The following C8B variants were observed in gnomAD, a reference collection of about 807,000 sequenced individuals.
C8B encodes complement component C8 beta chain.
A neutral mutation model predicts 64.6 loss-of-function variants in C8B; 67 were observed. That is an observed-to-expected ratio of 1.04 (90% CI 0.85 to 1.27). C8B has a LOEUF of 1.27. Among genes scored for constraint, C8B ranks in the 50% most tolerant of loss-of-function variants. C8B has a pLI of 0.00. For missense variants in C8B, 790 were observed against 725.2 expected, an observed-to-expected ratio of 1.09 and a Z score of -1.03; for synonymous variants, 284 against 257.7, an observed-to-expected ratio of 1.10 and a Z score of -0.98.
chr1:56,954,794 C>T lies in C8B; in HGVS notation c.425G>A (p.Gly142Glu), dbSNP rs1557740342. Reference protein sequence around the residue: ...RCVNRRLLCNGDNDCGDQSDE... With the variant: ...RCVNRRLLCNEDNDCGDQSDE... Reference sequence around the variant, plus strand: ...TGACTGGTCTCCACAGTCATTGTCCCCATTGCAAAGAAGTCTGCGGTTTAC... The same window carrying T: ...TGACTGGTCTCCACAGTCATTGTCCTCATTGCAAAGAAGTCTGCGGTTTAC... The change falls in exon 4 of 12, where the codon GGG (glycine) becomes GAG (glutamate). Residue 142 changes from glycine (G) to glutamate (E), a missense_variant. Transcript: ENST00000371237. The T allele has an allele frequency of 1.9e-6, 3 of 1,614,136 alleles. No homozygotes were observed. The highest frequency in any genetic ancestry group is 1.7e-5 in the Admixed American group (1 of 60,020).
chr1:56,950,645 C>A (rs969293332), intron 5 of C8B, among the ~76,000 whole-genome samples: 1 of 152,164 alleles, frequency 6.6e-6, no homozygotes. Flanking sequence ...TGGTCTACAG[C>A]ATGGCCACTG....
At chr1:56,958,954 T>C (rs1488798012) in intron 2 of C8B, among the ~76,000 whole-genome samples, 2 of 152,190 alleles carry the variant, frequency 1.3e-5, no homozygotes, top group Admixed American at 6.5e-5. Context: ...GGCATATCTA[T>C]TGTTCTCAGA....
At chr1:56,932,490 T>C (rs1644716043) in intron 10 of C8B, among the ~76,000 whole-genome samples, 1 of 152,114 alleles carries the variant, frequency 6.6e-6, no homozygotes, top group African/African-American at 2.4e-5. Context: ...AGGTCCAAAT[T>C]TCGTACAAGG....
intron 6 of C8B, 141 bp from the exon 7 acceptor site, chr1:56,946,202 A>G (rs977770915): frequency 2.7e-5 from 26 of 960,528 alleles, no homozygotes; most frequent in Admixed American, 2.0e-4. Flanking sequence ...TTGAGGGAAG[A>G]CAGCCTCTTT....
At chr1:56,933,285 G>C in intron 10 of C8B, 50 bp downstream of exon 10, 1 of 1,539,912 alleles carries the variant, frequency 6.5e-7, no homozygotes, top group Non-Finnish European at 9.0e-7. Context: ...CCCCCGGCCT[G>C]CTTCAGATTA....
chr1:56,947,399 G>A (rs997109419), intron 6 of C8B, among the ~76,000 whole-genome samples: 2 of 152,094 alleles, frequency 1.3e-5, no homozygotes, highest in African/African-American at 4.8e-5. Context: ...CCCCAAGCCT[G>A]CTATTCTCTT....
chr1:56,952,301 C>T (rs1000213078), intron 4 of C8B, 121 bp from the exon 5 acceptor site: 37 of 1,345,576 alleles, frequency 2.7e-5, no homozygotes, highest in Middle Eastern at 3.6e-4. Flanking sequence ...CCCTTGATAC[C>T]TGGTCCAAGC....
At chr1:56,953,473 T>A (rs1193754835) in intron 4 of C8B, among the ~76,000 whole-genome samples, 1 of 152,218 alleles carries the variant, frequency 6.6e-6, no homozygotes, top group East Asian at 1.9e-4. Context: ...TATCCCCATT[T>A]TGCAGATGAG....
chr1:56,931,645 T>C (rs1452044324), intron 11 of C8B, 165 bp downstream of exon 11: 2 of 635,240 alleles, frequency 3.1e-6, no homozygotes, highest in South Asian at 3.2e-5. Context: ...AATCAATCCA[T>C]CAGTTATTAA....
At chr1:56,955,220 G>A (rs186169429) in intron 3 of C8B, among the ~76,000 whole-genome samples, 10 of 152,244 alleles carry the variant, frequency 6.6e-5, no homozygotes, top group East Asian at 3.9e-4. Flanking sequence ...AAGGTTGTTC[G>A]AAGTTTAAAT....
intron 9 of C8B, among the ~76,000 whole-genome samples, chr1:56,935,110 A>G (rs1373061586): frequency 6.6e-6 from 1 of 152,190 alleles, no homozygotes; most frequent in African/African-American, 2.4e-5. Flanking sequence ...CGCAATTCAT[A>G]TATGGTATTA....
At chr1:56,949,026 G>T (rs1490942082) in intron 6 of C8B, among the ~76,000 whole-genome samples, 2 of 150,588 alleles carry the variant, frequency 1.3e-5, no homozygotes, top group African/African-American at 2.4e-5. Flanking sequence ...TTTTTGAGAA[G>T]ATTTCAAGAC....
intron 10 of C8B, 87 bp from the exon 11 acceptor site, chr1:56,931,965 A>G (rs1570368789): frequency 2.2e-6 from 2 of 925,206 alleles, no homozygotes; most frequent in East Asian, 5.0e-5. Context: ...CTGCAGTTCC[A>G]TCAGGTTAAA....
intron 9 of C8B, among the ~76,000 whole-genome samples, chr1:56,939,915 C>G (rs1405719677): frequency 2.6e-5 from 4 of 152,110 alleles, no homozygotes; most frequent in Non-Finnish European, 5.9e-5. Flanking sequence ...AATAACATTT[C>G]TAGATGTTAG....
At chr1:56,954,644 G>T (rs1388105678) in intron 4 of C8B, 42 bp downstream of exon 4, 3 of 1,611,422 alleles carry the variant, frequency 1.9e-6, no homozygotes, top group Non-Finnish European at 2.5e-6. Flanking sequence ...TCCATTTAAT[G>T]CTGTGCCTTC....
In C8B at chr1:56,956,790, C is replaced by T; in HGVS notation, c.370G>A (p.Gly124Ser). ...ATACCTGTCTGTGCACACACAAAGC[C>T]TTCACATCGCACTTGACTTCCGCAT... is the stretch of plus-strand genomic sequence containing the variant. ...RPCGSQVRCE[G>S]FVCAQTGRCV... is the part of the protein sequence containing the mutation. Residue 124 changes from glycine to serine, a missense_variant, in exon 3 of 12, where the codon GGC becomes AGC. Gly to Ser is a moderately conservative substitution (Grantham distance 56, BLOSUM62 0). Coordinates refer to ENST00000371237, the MANE Select transcript of C8B (RefSeq NM_000066.4). The T allele has an allele frequency of 6.2e-7, 1 of 1,614,052 alleles. No individual in the cohort carries two copies. Among genetic ancestry groups the T allele is most frequent in the Non-Finnish European group, 8.5e-7 (1 of 1,179,980 alleles).
chr1:56,943,801 C>A lies in C8B; in HGVS notation c.1129G>T (p.Ala377Ser). 6.2e-7 allele frequency: 1 copy of A among 1,614,050 alleles called. No homozygotes were observed. Among genetic ancestry groups the A allele is most frequent in the Non-Finnish European group, 8.5e-7 (1 of 1,179,976 alleles). The change falls in exon 8 of 12, where the codon GCC becomes TCC. Residue 377 changes from alanine to serine, a missense_variant. Transcript: ENST00000371237. Reference sequence around the variant, plus strand: ...ATTTTAAAATCATTTTTGGCACAGGCATGGACGTTGTTAAGAGTATAATCT... The same window carrying A: ...ATTTTAAAATCATTTTTGGCACAGGAATGGACGTTGTTAAGAGTATAATCT... ...RGDYTLNNVH[A>S]CAKNDFKIGG...
At chr1:56,964,967 A>G (rs1557440681) in intron 1 of C8B, among the ~76,000 whole-genome samples, 1 of 152,208 alleles carries the variant, frequency 6.6e-6, no homozygotes, top group South Asian at 2.1e-4. Flanking sequence ...TTGAGTGGCC[A>G]ATAGATAGTG....
At position 56,929,318 on chromosome 1, in the gene C8B, G is replaced by C. The variant is rs113094561; in HGVS notation, c.*86C>G. 2.7e-5 allele frequency: 39 copies of C among 1,433,546 alleles called. No homozygotes were observed. In the South Asian group the frequency reaches 4.2e-4, roughly 16 times the overall value. 88.8% of individuals were successfully genotyped at this position (1,433,546 alleles called of 1,614,324 possible). A position where few individuals can be genotyped will look rare whatever the true frequency, so the allele number is the denominator to read the frequency against. ...GCCTTTTGCCCTTGCATGAACTCCA[G>C]GTGGAAACTGGTGTAGGGCTGAGCT... On this transcript the variant is annotated 3_prime_UTR_variant, in exon 12 of 12. Transcript: ENST00000371237.
Sources: allele counts gnomAD v4.1 joint callset (sites outside exome capture counted in the v4.1 genomes callset), GRCh38; gene constraint gnomAD v4.1.1; transcripts MANE v1.5; gene names NCBI Gene and HGNC (gene_info 2026-07-23, HGNC 2026-07-21).